Variants in KLHL32 observed in about 807,000 individuals in gnomAD.
KLHL32 encodes kelch like family member 32, also known as kelch-like protein 32.
In KLHL32, 35 loss-of-function variants were observed where a neutral mutation model predicts 64.8. The observed-to-expected ratio is 0.54, with a 90% CI of 0.41 to 0.72. The LOEUF is 0.72. Among genes scored for constraint, KLHL32 ranks in the 30% least tolerant of loss-of-function variants. The pLI, the probability that KLHL32 is intolerant of heterozygous loss-of-function variation, is 0.00. For missense variants in KLHL32, 589 were observed against 768.5 expected, an observed-to-expected ratio of 0.77 and a Z score of 2.76; for synonymous variants, 259 against 281.0, an observed-to-expected ratio of 0.92 and a Z score of 0.78.
Position 96,943,829 on chromosome 6 carries a change from G to A in KLHL32, c.-66+18803G>A, listed in dbSNP as rs990661881. Among the ~76,000 whole-genome samples, 8 of 152,346 alleles carry A rather than the reference G, an allele frequency of 5.3e-5. No homozygotes were observed. The South Asian group carries it at 6.2e-4, about 12-fold the overall frequency. ...GAAAAGTCATATCTGGCAGGGGAACGAGTGTGCAGATGCATTCTTTTTATA... is the reference window on the plus strand; with the variant it reads ...GAAAAGTCATATCTGGCAGGGGAACAAGTGTGCAGATGCATTCTTTTTATA... On this transcript the variant is annotated intron_variant, in intron 1 of 10. Coordinates refer to ENST00000369261, the MANE Select transcript of KLHL32 (RefSeq NM_052904.4).
At chr6:96,986,287 G>C (rs1243029483) in intron 3 of KLHL32, among the ~76,000 whole-genome samples, 2 of 152,174 alleles carry the variant, frequency 1.3e-5, no homozygotes, top group Non-Finnish European at 2.9e-5. Context: ...CCCCTAATGG[G>C]GGGGGCCTCC....
In KLHL32 at chr6:96,973,238, C is replaced by T. The variant is rs1312933895; in HGVS notation, c.24-2759C>T. On this transcript the variant is annotated intron_variant, in intron 2 of 10. Coordinates refer to ENST00000369261, the MANE Select transcript of KLHL32 (RefSeq NM_052904.4). ...TAAAAGCTGAGGCTTTTATTCTTTG[C>T]CAAATTTCAGTTTACAGCTGCTCTG... 2.0e-5 allele frequency among the ~76,000 whole-genome samples: 3 copies of T among 152,102 alleles called. No individual in the cohort carries two copies. The East Asian group carries it at 5.8e-4, about 29-fold the overall frequency.
At chr6:96,965,069 C>G (rs959356676) in intron 1 of KLHL32, among the ~76,000 whole-genome samples, 3 of 152,170 alleles carry the variant, frequency 2.0e-5, no homozygotes, top group African/African-American at 7.2e-5. Flanking sequence ...ATGCTTAACT[C>G]ACTTAGAAGT....
At chr6:97,040,676 C>T (rs1385031468) in intron 3 of KLHL32, among the ~76,000 whole-genome samples, 2 of 152,032 alleles carry the variant, frequency 1.3e-5, no homozygotes, top group African/African-American at 4.8e-5. Flanking sequence ...CTTTGTATCC[C>T]CACCCGAATC....
intron 3 of KLHL32, among the ~76,000 whole-genome samples, chr6:97,013,270 G>C (rs17057227): frequency 0.056 from 8,490 of 152,234 alleles, 457 homozygotes; most frequent in African/African-American, 0.14. Context: ...AAAGTGCACT[G>C]AGCTAGTGTT....
intron 3 of KLHL32, among the ~76,000 whole-genome samples, chr6:97,030,957 G>C (rs542998162): frequency 6.6e-6 from 1 of 152,260 alleles, no homozygotes; most frequent in South Asian, 2.1e-4. Context: ...TAGAATCTGG[G>C]AGCACCACAG....
chr6:97,107,902 G>C (rs932040393), intron 6 of KLHL32, among the ~76,000 whole-genome samples: 25 of 152,198 alleles, frequency 1.6e-4, no homozygotes, highest in African/African-American at 5.8e-4. Context: ...AGCAAACTGT[G>C]GGTCAGGTGC....
the KLHL32 span, among the ~76,000 whole-genome samples, chr6:96,904,290 C>T: frequency 4.9e-5 from 7 of 142,688 alleles, no homozygotes; most frequent in African/African-American, 1.1e-4. Context: ...TGCAGTGAGC[C>T]GATATCAGGC....
chr6:97,106,199 A>T (rs1796385167), intron 6 of KLHL32, among the ~76,000 whole-genome samples: 1 of 152,228 alleles, frequency 6.6e-6, no homozygotes, highest in African/African-American at 2.4e-5. Context: ...TGTTAGGAAT[A>T]TAACTTTTTT....
chr6:96,989,922 T>C (rs1402429843), intron 3 of KLHL32, among the ~76,000 whole-genome samples: 2 of 152,206 alleles, frequency 1.3e-5, no homozygotes, highest in Non-Finnish European at 2.9e-5. Flanking sequence ...TCTTGTACTG[T>C]TTGTCAGCTC....
At chr6:96,966,933 G>C in intron 1 of KLHL32, 63 bp from the exon 2 acceptor site, 1 of 739,762 alleles carries the variant, frequency 1.4e-6, no homozygotes, top group Non-Finnish European at 2.3e-6. Flanking sequence ...GCATCAGGAA[G>C]ACCCAGAGTG....
At chr6:97,048,524 T>A (rs1041828672) in intron 4 of KLHL32, among the ~76,000 whole-genome samples, 1 of 152,244 alleles carries the variant, frequency 6.6e-6, no homozygotes, top group Non-Finnish European at 1.5e-5. Context: ...ACTTTAAAAA[T>A]ATTCATTCAG....
At chr6:96,977,203 C>T (rs1346534510) in intron 3 of KLHL32, among the ~76,000 whole-genome samples, 1 of 152,138 alleles carries the variant, frequency 6.6e-6, no homozygotes, top group African/African-American at 2.4e-5. Context: ...ACCCATTGTG[C>T]ACATATATAT....
Position 97,130,825 on chromosome 6 carries a change from G to A in KLHL32, c.1482G>A (p.Arg494=). ...ACCATTCCATGGCTGCTGTACAAAG[G>A]AAGCTTTATGTTCTTGGAGGCAATG... The part of the protein sequence containing the change: ...RVYHSMAAVQ[R]KLYVLGGNDL... The change falls in exon 9 of 11, where the codon AGG becomes AGA. Residue 494 remains arginine (R), a synonymous_variant. Coordinates refer to ENST00000369261, the MANE Select transcript of KLHL32 (RefSeq NM_052904.4). 7 of 1,614,088 alleles carry A rather than the reference G, an allele frequency of 4.3e-6. No individual in the cohort carries two copies. Among genetic ancestry groups the A allele is most frequent in the Non-Finnish European group, 5.9e-6 (7 of 1,179,992 alleles).
Position 96,976,135 on chromosome 6 carries a change from T to C in KLHL32, c.162T>C (p.His54=), listed in dbSNP as rs753744571. ...TGATTGCTGAGGAACAGAAATTCCA[T>C]GCTCACAAGGCAGTCCTAGCAGCAT... ...ITLIAEEQKF[H]AHKAVLAACS... is the part of the protein sequence containing the mutation. The change falls in exon 3 of 11, where the codon CAT becomes CAC. Residue 54 remains histidine, a synonymous_variant. Coordinates refer to ENST00000369261, the MANE Select transcript of KLHL32 (RefSeq NM_052904.4). 6.2e-7 allele frequency: 1 copy of C among 1,606,624 alleles called. No individual in the cohort carries two copies. Among genetic ancestry groups the C allele is most frequent in the South Asian group, 1.1e-5 (1 of 90,364 alleles).
chr6:96,916,881 G>A, the KLHL32 span, among the ~76,000 whole-genome samples: 1,243 of 152,178 alleles, frequency 8.2e-3, 23 homozygotes, highest in African/African-American at 0.029. Context: ...TAAAGGAACT[G>A]TTTTTCCATC....
At chr6:97,006,959 T>A (rs1452075644) in intron 3 of KLHL32, among the ~76,000 whole-genome samples, 4 of 152,174 alleles carry the variant, frequency 2.6e-5, no homozygotes. Flanking sequence ...ATCTGAGGAC[T>A]ATGTGTCTTG....
At chr6:97,070,204 G>A (rs1790487158) in intron 5 of KLHL32, among the ~76,000 whole-genome samples, 1 of 152,102 alleles carries the variant, frequency 6.6e-6, no homozygotes, top group Admixed American at 6.5e-5. Context: ...GAAAGTTAAA[G>A]TACAAAGTTT....
intron 3 of KLHL32, among the ~76,000 whole-genome samples, chr6:96,990,371 G>T (rs1473798318): frequency 6.6e-6 from 1 of 152,126 alleles, no homozygotes; most frequent in African/African-American, 2.4e-5. Context: ...AGTATTTTTG[G>T]TGTTGAAGTT....
Sources: allele counts gnomAD v4.1 joint callset (sites outside exome capture counted in the v4.1 genomes callset), GRCh38; gene constraint gnomAD v4.1.1; transcripts MANE v1.5; gene names NCBI Gene and HGNC (gene_info 2026-07-23, HGNC 2026-07-21).